RALGAPA1: variants seen among roughly 807,000 people sequenced by gnomAD.
RALGAPA1 encodes the protein ral GTPase-activating protein subunit alpha-1.
A neutral mutation model predicts 269.6 loss-of-function variants in RALGAPA1; 52 were observed. The ratio of observed to expected loss-of-function variants is 0.19; its 90% CI spans 0.15 to 0.24. The LOEUF is 0.24. Among genes scored for constraint, RALGAPA1 ranks in the 10% least tolerant of loss-of-function variants. The probability of loss-of-function intolerance (pLI) is 1.00; values close to 1 mark genes in which losing one functional copy is unlikely to be tolerated. For synonymous variants in RALGAPA1, 817 were observed against 1,008.3 expected, an observed-to-expected ratio of 0.81 and a Z score of 3.60; for missense variants, 1,917 against 3,013.9, an observed-to-expected ratio of 0.64 and a Z score of 8.52.
intron 28 of RALGAPA1, among the ~76,000 whole-genome samples, chr14:35,657,707 T>TA (rs1173349883): frequency 6.8e-6 from 1 of 147,392 alleles, no homozygotes; most frequent in Non-Finnish European, 1.5e-5. Context: ...TTTTTTTTGG[T>TA]AAAAAAAAGC....
rs2063150188 is a variant in RALGAPA1, at chr14:35,655,981, T to C, written c.5388-66A>G. On this transcript the variant is annotated intron_variant, in intron 28 of 41. Coordinates refer to ENST00000680220, the MANE Select transcript of RALGAPA1 (RefSeq NM_001346249.2). The stretch of plus-strand genomic sequence containing the variant: ...CCACCACCACAAACATGACCCACAA[T>C]CAACTGACACAGAATGAACATGCAC... The C allele has an allele frequency of 1.4e-5, 23 of 1,607,032 alleles. No individual in the cohort carries two copies. The South Asian group carries it at 2.3e-4, about 16-fold the overall frequency.
chr14:35,730,433 A>G (rs1226982916), intron 12 of RALGAPA1, among the ~76,000 whole-genome samples: 1 of 151,844 alleles, frequency 6.6e-6, no homozygotes, highest in East Asian at 1.9e-4. Flanking sequence ...CTCCACAGGC[A>G]GGGGAAGAAC....
intron 22 of RALGAPA1, 100 bp downstream of exon 22, chr14:35,677,850 C>A: frequency 8.8e-7 from 1 of 1,137,724 alleles, no homozygotes; most frequent in South Asian, 1.4e-5. Context: ...AAAATATTTA[C>A]AATAATCATA....
chr14:35,730,937 A>G (rs1267557762), intron 12 of RALGAPA1, among the ~76,000 whole-genome samples: 1 of 152,224 alleles, frequency 6.6e-6, no homozygotes, highest in Admixed American at 6.5e-5. Flanking sequence ...CACCACAAAA[A>G]CAGAGAATTA....
chr14:35,688,307 A>G (rs2066137153), intron 18 of RALGAPA1, among the ~76,000 whole-genome samples, 152 bp downstream of exon 18: 1 of 152,212 alleles, frequency 6.6e-6, no homozygotes, highest in Non-Finnish European at 1.5e-5. Context: ...GCTGGGAAAA[A>G]TACAGCTGGG....
intron 1 of RALGAPA1, among the ~76,000 whole-genome samples, chr14:35,803,394 G>C (rs1396703614): frequency 2.0e-5 from 3 of 151,952 alleles, no homozygotes. Context: ...CTAGAAAAAA[G>C]CATAGAAGAA....
rs1405506944 is a variant in RALGAPA1 at position 35,771,138 on chromosome 14, A to G, written c.268-139T>C. The G allele has an allele frequency of 4.4e-5, 16 of 364,836 alleles. No homozygotes were observed. The East Asian group carries it at 5.9e-4, about 13-fold the overall frequency. The allele number at this position is 364,836 out of a possible 1,614,324, so 22.6% of individuals were successfully genotyped here. A position where few individuals can be genotyped will look rare whatever the true frequency, so the allele number is the denominator to read the frequency against. The stretch of plus-strand genomic sequence containing the variant: ...GCCGGGCACGGTGGCTCACACCTGT[A>G]ATCCTAGCGCTTTGGGAAGCTGAGG... On this transcript the variant is annotated intron_variant, in intron 3 of 41. Coordinates refer to ENST00000680220, the MANE Select transcript of RALGAPA1 (RefSeq NM_001346249.2).
At chr14:35,590,057 G>T (rs900610002) in intron 37 of RALGAPA1, among the ~76,000 whole-genome samples, 3 of 152,104 alleles carry the variant, frequency 2.0e-5, no homozygotes, top group Admixed American at 1.3e-4. Flanking sequence ...TTTTCATAGA[G>T]ATTTAAGATA....
At chr14:35,703,058 TC>T (rs1676471163) in intron 16 of RALGAPA1, among the ~76,000 whole-genome samples, 1 of 152,230 alleles carries the variant, frequency 6.6e-6, no homozygotes, top group African/African-American at 2.4e-5. Flanking sequence ...AAATAACAAC[TC>T]CTTTTTTTCT....
At chr14:35,613,266 G>C (rs1462190740) in intron 35 of RALGAPA1, among the ~76,000 whole-genome samples, 1 of 151,926 alleles carries the variant, frequency 6.6e-6, no homozygotes, top group African/African-American at 2.4e-5. Flanking sequence ...ATTTTTAGTA[G>C]AGACGGGGTT....
chr14:35,711,985 G>A (rs1299612390), intron 16 of RALGAPA1, among the ~76,000 whole-genome samples: 2 of 152,060 alleles, frequency 1.3e-5, no homozygotes, highest in African/African-American at 2.4e-5. Context: ...GGTGGCTCAC[G>A]CCTATAATCC....
chr14:35,642,304 G>C lies in RALGAPA1; in HGVS notation c.5677-6706C>G, dbSNP rs555523920. 2.1e-3 allele frequency among the ~76,000 whole-genome samples: 323 copies of C among 152,232 alleles called. 4 individuals are homozygous for C. Among genetic ancestry groups the C allele is most frequent in the African/African-American group, 7.5e-3 (310 of 41,550 alleles). On this transcript the variant is annotated intron_variant, in intron 31 of 41. Coordinates refer to ENST00000680220, the MANE Select transcript of RALGAPA1 (RefSeq NM_001346249.2). ...AAGTAAATGGTCAACAAAGTGAAGA[G>C]ACAACCCACAGAAGGGGAGAAAATA...
Position 35,741,101 on chromosome 14 carries a change from T to G in RALGAPA1, c.1449+1267A>C, listed in dbSNP as rs2071506348. Among the ~76,000 whole-genome samples, 2 of 152,186 alleles carry G rather than the reference T, an allele frequency of 1.3e-5. 1 individual carries two copies. The highest frequency in any genetic ancestry group is 4.8e-5 in the African/African-American group (2 of 41,448). Reference sequence around the variant, plus strand: ...ATACCTAACATCACCAATCTACCCTTTCCTCTCTCCTTTCATTCCTTCCAT... The same window carrying G: ...ATACCTAACATCACCAATCTACCCTGTCCTCTCTCCTTTCATTCCTTCCAT... On this transcript the variant is annotated intron_variant, in intron 11 of 41. Transcript: ENST00000680220.
intron 3 of RALGAPA1, among the ~76,000 whole-genome samples, chr14:35,774,782 T>C (rs895751799): frequency 5.3e-5 from 8 of 152,186 alleles, no homozygotes; most frequent in African/African-American, 1.9e-4. Flanking sequence ...TTTTGTGGTG[T>C]CAAATGTATA....
At chr14:35,663,150 C>T (rs761871870) in intron 27 of RALGAPA1, among the ~76,000 whole-genome samples, 1 of 152,036 alleles carries the variant, frequency 6.6e-6, no homozygotes, top group Non-Finnish European at 1.5e-5. Flanking sequence ...GCAATCCTCC[C>T]ACCTTGGCTA....
intron 16 of RALGAPA1, among the ~76,000 whole-genome samples, chr14:35,703,381 A>T (rs1379348498): frequency 6.6e-6 from 1 of 152,128 alleles, no homozygotes; most frequent in Non-Finnish European, 1.5e-5. Context: ...CGATGGCTGG[A>T]GGTGAGAGGA....
chr14:35,689,483 T>C lies in RALGAPA1; in HGVS notation c.2928A>G (p.Glu976=). 3 of 1,235,298 alleles carry C rather than the reference T, an allele frequency of 2.4e-6. No homozygotes were observed. The African/African-American group carries it at 4.6e-5, about 19-fold the overall frequency. 76.5% of individuals were successfully genotyped at this position (1,235,298 alleles called of 1,614,324 possible). A position where few individuals can be genotyped will look rare whatever the true frequency, so the allele number is the denominator to read the frequency against. The change falls in exon 18 of 42, where the codon GAA becomes GAG. Residue 976 remains glutamate, a synonymous_variant. Coordinates refer to ENST00000680220, the MANE Select transcript of RALGAPA1 (RefSeq NM_001346249.2). ...QEVTIAVNRG[E]RLSLDKLECT... ...ATTCTAATTTATCTAAGGATAATCT[T>C]TCACCCCTATTTACTGCAATAGTCA...
intron 35 of RALGAPA1, among the ~76,000 whole-genome samples, chr14:35,613,999 A>G (rs926480257): frequency 7.9e-5 from 12 of 152,230 alleles, no homozygotes; most frequent in African/African-American, 2.7e-4. Context: ...GGAAAAAGCA[A>G]TACTAAAAAA....
chr14:35,682,674 C>A lies in RALGAPA1; in HGVS notation c.4471+1135G>T, dbSNP rs1001092373. Among the ~76,000 whole-genome samples, 5 of 152,082 alleles carry A rather than the reference C, an allele frequency of 3.3e-5. 1 individual carries two copies. Among genetic ancestry groups the A allele is most frequent in the Admixed American group, 3.3e-4 (5 of 15,266 alleles). On this transcript the variant is annotated intron_variant, in intron 21 of 41. Transcript: ENST00000680220. ...TCTCATTGTAGTTTTTATTTGCATT[C>A]TCTGGTTACTATCAATGTTAAGTAT...
Sources: gnomAD v4.1 joint callset for allele counts (sites outside exome capture counted in the v4.1 genomes callset) on GRCh38, gnomAD v4.1.1 for gene constraint, MANE v1.5 for transcripts, NCBI Gene and HGNC (gene_info 2026-07-23, HGNC 2026-07-21) for gene names.